Variants in RAB11FIP3 observed in about 807,000 individuals in gnomAD.
RAB11FIP3 encodes the protein rab11 family-interacting protein 3.
In RAB11FIP3, 17 loss-of-function variants were observed where a neutral mutation model predicts 77.8. The observed-to-expected ratio is 0.22, with a 90% CI of 0.15 to 0.33. The LOEUF (loss-of-function observed/expected upper bound fraction) is 0.33. Among genes scored for constraint, RAB11FIP3 ranks in the 10% least tolerant of loss-of-function variants. RAB11FIP3 has a pLI of 1.00. For missense variants in RAB11FIP3, 1,005 were observed against 1,011.2 expected, an observed-to-expected ratio of 0.99 and a Z score of 0.08; for synonymous variants, 437 against 448.2, an observed-to-expected ratio of 0.98 and a Z score of 0.31.
chr16:434,930 G>A (rs572743109), intron 1 of RAB11FIP3, among the ~76,000 whole-genome samples: 4 of 151,932 alleles, frequency 2.6e-5, no homozygotes, highest in African/African-American at 7.2e-5. Context: ...ATTAGACCAG[G>A]CGCGGTGGCT....
chr16:519,492 G>A (rs941087193), intron 10 of RAB11FIP3, among the ~76,000 whole-genome samples: 4 of 152,258 alleles, frequency 2.6e-5, no homozygotes, highest in African/African-American at 9.6e-5. Flanking sequence ...ACTGAGTCAG[G>A]TCCTGTCCAC....
At chr16:509,704 C>G (rs2032038336) in intron 8 of RAB11FIP3, among the ~76,000 whole-genome samples, 1 of 152,166 alleles carries the variant, frequency 6.6e-6, no homozygotes, top group Non-Finnish European at 1.5e-5. Flanking sequence ...TGGGACTGGT[C>G]TCTATACCCA....
chr16:460,907 G>A (rs1389389138), intron 1 of RAB11FIP3, among the ~76,000 whole-genome samples: 1 of 152,206 alleles, frequency 6.6e-6, no homozygotes, highest in African/African-American at 2.4e-5. Context: ...GTGGCCCATG[G>A]AGGCCGTGCT....
At chr16:519,657 T>G in intron 10 of RAB11FIP3, 97 bp from the exon 11 acceptor site, 1 of 1,503,540 alleles carries the variant, frequency 6.7e-7, no homozygotes, top group South Asian at 1.3e-5. Flanking sequence ...GCGTTGCTGT[T>G]GGGAGACTCA....
intron 3 of RAB11FIP3, among the ~76,000 whole-genome samples, chr16:476,516 G>A (rs1360295321): frequency 1.3e-5 from 2 of 152,192 alleles, no homozygotes; most frequent in Non-Finnish European, 2.9e-5. Flanking sequence ...GTGTGGGTTT[G>A]TTCTTAGAAA....
At chr16:492,935 G>T (rs770402877) in intron 5 of RAB11FIP3, among the ~76,000 whole-genome samples, 7 of 152,134 alleles carry the variant, frequency 4.6e-5, no homozygotes, top group Non-Finnish European at 8.8e-5. Context: ...TCCAGGTTCT[G>T]CTACCCCTTT....
chr16:437,776 T>G (rs1485349961), intron 1 of RAB11FIP3, among the ~76,000 whole-genome samples: 4 of 152,132 alleles, frequency 2.6e-5, no homozygotes, highest in Non-Finnish European at 5.9e-5. Flanking sequence ...ATGAAAAGAA[T>G]TGTACTAATT....
At chr16:449,706 CTTTG>C (rs1409283836) in intron 1 of RAB11FIP3, among the ~76,000 whole-genome samples, 3 of 151,062 alleles carry the variant, frequency 2.0e-5, no homozygotes, top group Non-Finnish European at 4.4e-5. Flanking sequence ...AATCCCAGCA[CTTTG>C]GGAGGCTGAG....
chr16:431,532 G>A (rs907265784), intron 1 of RAB11FIP3, among the ~76,000 whole-genome samples: 2 of 151,646 alleles, frequency 1.3e-5, no homozygotes, highest in Non-Finnish European at 2.9e-5. Context: ...GGCGTGCAAC[G>A]CCTGGCTAAT....
At chr16:509,942 GT>G (rs2032051766) in intron 8 of RAB11FIP3, among the ~76,000 whole-genome samples, 1 of 152,260 alleles carries the variant, frequency 6.6e-6, no homozygotes, top group Non-Finnish European at 1.5e-5. Flanking sequence ...GTTCTCTGGT[GT>G]TCAGCTGCCG....
chr16:515,318 T>C (rs76489959), intron 9 of RAB11FIP3, among the ~76,000 whole-genome samples: 1,652 of 152,236 alleles, frequency 0.011, 30 homozygotes, highest in African/African-American at 0.037. Flanking sequence ...GACTCCAGGG[T>C]TAGAGGCGGA....
At chr16:504,109 T>C (rs1455959869) in intron 7 of RAB11FIP3, among the ~76,000 whole-genome samples, 1 of 42,614 alleles carries the variant, frequency 2.3e-5, no homozygotes, top group African/African-American at 1.1e-4. Context: ...CTGTACCCCC[T>C]CACCTCCTCC....
intron 3 of RAB11FIP3, chr16:477,765 G>A (rs2055948197): frequency 1.6e-5 from 12 of 752,912 alleles, no homozygotes; most frequent in South Asian, 1.2e-4. Flanking sequence ...TCCTTAGATT[G>A]TAGGGGAGAT....
At position 445,278 on chromosome 16, in the gene RAB11FIP3, CA is replaced by C. The variant is rs36092986; in HGVS notation, c.715-16115del. Among the ~76,000 whole-genome samples the C allele has an allele frequency of 5.6e-3, 804 of 143,886 alleles. 2 individuals carry two copies. The highest frequency in any genetic ancestry group is 8.4e-3 in the Non-Finnish European group (558 of 66,292). 94.4% of individuals were successfully genotyped at this position (143,886 alleles called of 152,430 possible). A position where few individuals can be genotyped will look rare whatever the true frequency, so the allele number is the denominator to read the frequency against. On this transcript the variant is annotated intron_variant, in intron 1 of 13. Coordinates refer to ENST00000262305, the MANE Select transcript of RAB11FIP3 (RefSeq NM_014700.4). ...TGAAACCCCGAATCTACTAAAAATA[CA>C]AAAAAAAAAATCAGCCAGGCCTGGT...
At chr16:475,934 G>A (rs539011971) in intron 3 of RAB11FIP3, among the ~76,000 whole-genome samples, 35 of 152,250 alleles carry the variant, frequency 2.3e-4, no homozygotes, top group Admixed American at 3.3e-4. Context: ...TTGGCTCACT[G>A]CAACCTCCAC....
intron 1 of RAB11FIP3, among the ~76,000 whole-genome samples, chr16:433,430 C>T (rs552900993): frequency 6.6e-6 from 1 of 151,846 alleles, no homozygotes; most frequent in African/African-American, 2.4e-5. Flanking sequence ...ACTTTTCTAG[C>T]TCCCACATAA....
chr16:447,565 GTC>G (rs2055337887), intron 1 of RAB11FIP3, among the ~76,000 whole-genome samples: 1 of 151,986 alleles, frequency 6.6e-6, no homozygotes, highest in South Asian at 2.1e-4. Flanking sequence ...GTGAAACCTC[GTC>G]TCTCCTAATA....
At chr16:459,875 CTTTTTT>C (rs1170379362) in intron 1 of RAB11FIP3, among the ~76,000 whole-genome samples, 2 of 119,340 alleles carry the variant, frequency 1.7e-5, no homozygotes, top group African/African-American at 6.2e-5. Flanking sequence ...ATTGAGTTGT[CTTTTTT>C]TTTTTTTTTT....
rs368828244 is a variant in RAB11FIP3 at position 446,703 on chromosome 16, G to GT, written c.715-14691dup. On this transcript the variant is annotated intron_variant, in intron 1 of 13. Coordinates refer to ENST00000262305, the MANE Select transcript of RAB11FIP3 (RefSeq NM_014700.4). ...TTATTCATATATCTCAAACTTTTTT[G>GT]TTTTTTTTTTGAGACGCACTCTCGC... 4.9e-3 allele frequency among the ~76,000 whole-genome samples: 722 copies of GT among 148,074 alleles called. 2 individuals carry two copies. The highest frequency in any genetic ancestry group is 0.016 in the African/African-American group (666 of 40,470).
Sources: gnomAD v4.1 joint callset for allele counts (sites outside exome capture counted in the v4.1 genomes callset) on GRCh38, gnomAD v4.1.1 for gene constraint, MANE v1.5 for transcripts, NCBI Gene and HGNC (gene_info 2026-07-23, HGNC 2026-07-21) for gene names.